The following ELN variants were observed in gnomAD, a reference collection of about 807,000 sequenced individuals.
The protein encoded by ELN is tropoelastin.
Under a neutral mutation model 105.8 loss-of-function variants are expected in ELN, and 65 were observed. The ratio of observed to expected loss-of-function variants is 0.61; its 90% CI spans 0.50 to 0.75. The LOEUF is 0.75. ELN is among the 30% of genes least tolerant of loss of function. The pLI, the probability that ELN is intolerant of heterozygous loss-of-function variation, is 0.00. For synonymous variants in ELN, 368 were observed against 389.2 expected (o/e 0.95, Z 0.64); for missense variants, 882 against 969.4 (o/e 0.91, Z 1.20).
At position 74,035,343 on chromosome 7, in the gene ELN, ACT is replaced by A; in HGVS notation, c.83-18_83-17del. 1.9e-6 allele frequency: 3 copies of A among 1,613,800 alleles called. No homozygotes were observed. Among genetic ancestry groups the A allele is most frequent in the Non-Finnish European group, 2.5e-6 (3 of 1,179,872 alleles). ...AATAGTTCTGGCTCCTGGAGGACTG[ACT>A]CTACCTGTTTCCTTTCAGGGGTCCC... On this transcript the variant is annotated intron_variant, in intron 1 of 32. Coordinates refer to ENST00000252034, the MANE Select transcript of ELN (RefSeq NM_000501.4).
At chr7:74,056,645 GTC>G (rs1563838705) in intron 20 of ELN, 25 bp from the exon 21 acceptor site, 1 of 1,613,872 alleles carries the variant, frequency 6.2e-7, no homozygotes, top group East Asian at 2.2e-5. Flanking sequence ...GCTTCTGAGG[GTC>G]TCTTTCTTTC....
At chr7:74,066,907 AC>A (rs1175413886) in intron 32 of ELN, 131 bp downstream of exon 32, 26 of 901,218 alleles carry the variant, frequency 2.9e-5, no homozygotes, top group Non-Finnish European at 4.3e-5. Context: ...CTCAGGTCAC[AC>A]GAGGCTGGAC....
intron 18 of ELN, among the ~76,000 whole-genome samples, chr7:74,054,435 A>T (rs1794817053): frequency 6.6e-6 from 1 of 150,622 alleles, no homozygotes; most frequent in Non-Finnish European, 1.5e-5. Context: ...GCGCTATTGC[A>T]CTCCAGCCTG....
intron 8 of ELN, chr7:74,043,480 C>T (rs1231573171): frequency 1.5e-5 from 10 of 688,574 alleles, no homozygotes; most frequent in African/African-American, 1.1e-4. Flanking sequence ...CAGCGAGTCC[C>T]GGCAGAGCTG....
At chr7:74,062,068 CT>C (rs1487162508) in intron 26 of ELN, 2 of 152,368 alleles carry the variant, frequency 1.3e-5, no homozygotes, top group Non-Finnish European at 2.9e-5. Context: ...ACTTGGCGCT[CT>C]GGCAGCCCTG....
intron 5 of ELN, 83 bp downstream of exon 5, chr7:74,041,334 T>C (rs1159472968): frequency 4.4e-6 from 7 of 1,573,306 alleles, no homozygotes; most frequent in Non-Finnish European, 6.1e-6. Flanking sequence ...AGCACGGTCA[T>C]GGAACAAGGG....
intron 17 of ELN, chr7:74,052,514 G>A (rs782670483): frequency 1.0e-5 from 2 of 192,844 alleles, no homozygotes; most frequent in Non-Finnish European, 2.2e-5. Flanking sequence ...GAGCCTAGTA[G>A]TTCAAGGCTG....
chr7:74,051,049 T>G (rs1793915937), intron 15 of ELN, among the ~76,000 whole-genome samples: 1 of 152,196 alleles, frequency 6.6e-6, no homozygotes, highest in African/African-American at 2.4e-5. Flanking sequence ...TTGGCTAGCA[T>G]GGCTGCAGAT....
At position 74,053,172 on chromosome 7, in the gene ELN, C is replaced by T. The variant is rs1794473827; in HGVS notation, c.959C>T (p.Ala320Val). 6.2e-7 allele frequency: 1 copy of T among 1,614,182 alleles called. No individual in the cohort carries two copies. Among genetic ancestry groups the T allele is most frequent in the South Asian group, 1.1e-5 (1 of 91,082 alleles). Reference protein sequence around the residue: ...AAKAAKYGAAAGLVPGGPGFG... With the variant: ...AAKAAKYGAAVGLVPGGPGFG... ...GCTTTTTCTTCCACAGGAGCTGCTG[C>T]AGGCTTAGTGCCTGGTGGGCCAGGC... Residue 320 changes from alanine (A) to valine (V), a missense_variant, in exon 18 of 33, where the codon GCA becomes GTA. Physicochemically the swap from Ala to Val is moderately conservative, Grantham distance 64. Transcript: ENST00000252034.
chr7:74,031,674 T>C (rs905346378), intron 1 of ELN, among the ~76,000 whole-genome samples: 1 of 152,072 alleles, frequency 6.6e-6, no homozygotes, highest in Non-Finnish European at 1.5e-5. Context: ...CCTAGCACTT[T>C]GGGAGGCCCA....
rs1311266954 is a variant in ELN at position 74,053,258 on chromosome 7, G to C, written c.1045G>C (p.Ala349Pro). The C allele has an allele frequency of 3.1e-6, 5 of 1,613,960 alleles. No homozygotes were observed. Among genetic ancestry groups the C allele is most frequent in the Non-Finnish European group, 4.2e-6 (5 of 1,180,022 alleles). ...AGVPGVGVPG[A>P]GIPVVPGAGI... Reference sequence around the variant, plus strand: ...CGTTCCAGGTGTTGGTGTCCCAGGAGCTGGGATTCCAGTTGTCCCAGGTGC... The same window carrying C: ...CGTTCCAGGTGTTGGTGTCCCAGGACCTGGGATTCCAGTTGTCCCAGGTGC... Residue 349 changes from alanine to proline, a missense_variant, in exon 18 of 33, where the codon GCT becomes CCT. Physicochemically the swap from Ala to Pro is conservative, Grantham distance 27. Coordinates refer to ENST00000252034, the MANE Select transcript of ELN (RefSeq NM_000501.4).
intron 10 of ELN, 130 bp downstream of exon 10, chr7:74,045,423 C>A: frequency 9.9e-7 from 1 of 1,011,204 alleles, no homozygotes; most frequent in Non-Finnish European, 1.5e-6. Flanking sequence ...TGTTCCAGCC[C>A]TGGGCAGCCT....
chr7:74,041,320 A>G, intron 5 of ELN, 69 bp downstream of exon 5: 1 of 1,594,494 alleles, frequency 6.3e-7, no homozygotes, highest in Non-Finnish European at 8.6e-7. Flanking sequence ...CAGGGCTGGT[A>G]TGCAGCACGG....
At chr7:74,042,881 T>C in intron 6 of ELN, 103 bp from the exon 7 acceptor site, 1 of 1,595,176 alleles carries the variant, frequency 6.3e-7, no homozygotes, top group Non-Finnish European at 8.6e-7. Flanking sequence ...GGTGAGTTAG[T>C]AACGGGGCCA....
chr7:74,051,951 C>G lies in ELN; in HGVS notation c.917C>G (p.Ala306Gly), dbSNP rs782030982. 6.2e-7 allele frequency: 1 copy of G among 1,612,824 alleles called. No individual in the cohort carries two copies. Among genetic ancestry groups the G allele is most frequent in the Non-Finnish European group, 8.5e-7 (1 of 1,179,926 alleles). Residue 306 changes from alanine (A) to glycine (G), a missense_variant, in exon 17 of 33, where the codon GCT becomes GGT. Ala to Gly is a moderately conservative substitution (Grantham distance 60, BLOSUM62 0). Transcript: ENST00000252034. Reference sequence around the variant, plus strand: ...GTTGGGACTCCAGCTGCAGCTGCAGCTGCAGCAGCAGCCGCTAAGGCAGCC... The same window carrying G: ...GTTGGGACTCCAGCTGCAGCTGCAGGTGCAGCAGCAGCCGCTAAGGCAGCC... ...AGVGTPAAAA[A>G]AAAAAKAAKY... is the part of the protein sequence containing the mutation.
chr7:74,059,865 C>T lies in ELN; in HGVS notation c.1415-21C>T, dbSNP rs782325099. 33 of 1,047,738 alleles carry T rather than the reference C, an allele frequency of 3.1e-5. 1 individual carries two copies. Among genetic ancestry groups the T allele is most frequent in the Non-Finnish European group, 5.0e-5 (33 of 662,396 alleles). The allele number at this position is 1,047,738 out of a possible 1,614,324, so 64.9% of individuals were successfully genotyped here. ...CTTTGATCAGGTCTTGGTTAATGAT[C>T]AGCTCTTCTCAATCTTGCAGGGTTA... is the stretch of plus-strand genomic sequence containing the variant. On this transcript the variant is annotated intron_variant, in intron 22 of 32. Transcript: ENST00000252034.
chr7:74,060,715 C>T, intron 25 of ELN: 1 of 1,307,090 alleles, frequency 7.7e-7, no homozygotes, highest in Admixed American at 2.2e-5. Context: ...GTATCTGCCT[C>T]CTCAGTAGAG....
chr7:74,030,463 G>A (rs1323342519), intron 1 of ELN, among the ~76,000 whole-genome samples: 1 of 107,020 alleles, frequency 9.3e-6, no homozygotes, highest in African/African-American at 4.0e-5. Flanking sequence ...ATAGTATCAG[G>A]GATTTTTTTT....
At position 74,063,324 on chromosome 7, in the gene ELN, G is replaced by A. The variant is rs1200675959; in HGVS notation, c.1873G>A (p.Ala625Thr). The change falls in exon 28 of 33, where the codon GCC becomes ACC. Residue 625 changes from alanine to threonine, a missense_variant. By Grantham distance (58) the Ala-to-Thr change is moderately conservative. Transcript: ENST00000252034. The surrounding 1 kb of genome is among the most constrained non-coding windows in gnomAD (Gnocchi z 4.1). ...PGGVVGAGPA[A>T]AAAAAKAAAK... Reference sequence around the variant, plus strand: ...TGTGTTCCCAGGAGCCGGACCCGCCGCCGCCGCTGCCGCAGCCAAAGCTGC... The same window carrying A: ...TGTGTTCCCAGGAGCCGGACCCGCCACCGCCGCTGCCGCAGCCAAAGCTGC... 5.2e-6 allele frequency: 8 copies of A among 1,549,176 alleles called. No homozygotes were observed. The highest frequency in any genetic ancestry group is 2.0e-5 in the Admixed American group (1 of 50,994).
Sources: allele counts gnomAD v4.1 joint callset (sites outside exome capture counted in the v4.1 genomes callset), GRCh38; gene constraint gnomAD v4.1.1; non-coding constraint Gnocchi (gnomAD v3.1); transcripts MANE v1.5; gene names NCBI Gene and HGNC (gene_info 2026-07-23, HGNC 2026-07-21).